Variants in CDK5RAP1 observed in about 807,000 individuals in gnomAD.
CDK5RAP1 encodes mitochondrial tRNA methylthiotransferase CDK5RAP1.
A neutral mutation model predicts 64.5 loss-of-function variants in CDK5RAP1; 62 were observed. That is an observed-to-expected ratio of 0.96 (90% confidence interval 0.78 to 1.19). CDK5RAP1 has a LOEUF of 1.19. Ranked by LOEUF, CDK5RAP1 falls within the 50% of genes most tolerant of loss-of-function variation. The pLI is 0.00. For missense variants in CDK5RAP1, 657 were observed against 735.0 expected (o/e 0.89, Z 1.23); for synonymous variants, 250 against 261.9 (o/e 0.95, Z 0.44).
At chr20:33,390,615 T>C (rs1411555602) in intron 5 of CDK5RAP1, among the ~76,000 whole-genome samples, 2 of 152,194 alleles carry the variant, frequency 1.3e-5, no homozygotes, top group Non-Finnish European at 2.9e-5. Flanking sequence ...ATTAAAATGG[T>C]AATTTCATAT....
chr20:33,364,820 C>T (rs935522490), intron 12 of CDK5RAP1, among the ~76,000 whole-genome samples: 1 of 151,684 alleles, frequency 6.6e-6, no homozygotes, highest in African/African-American at 2.4e-5. Flanking sequence ...GTGATCCACC[C>T]GCCTCGGCCT....
intron 12 of CDK5RAP1, among the ~76,000 whole-genome samples, chr20:33,366,446 T>TA (rs36066304): frequency 0.42 from 63,527 of 149,890 alleles, 14,305 homozygotes; most frequent in Non-Finnish European, 0.51. Context: ...CCGTCTCTAC[T>TA]AAAAAAAATA....
rs62211387 is a variant in CDK5RAP1, at chr20:33,384,562, C to A, written c.876+1088G>T. 4.9e-3 allele frequency among the ~76,000 whole-genome samples: 743 copies of A among 152,218 alleles called. 4 individuals carry two copies. The highest frequency in any genetic ancestry group is 8.6e-3 in the Non-Finnish European group (585 of 68,004). On this transcript the variant is annotated intron_variant, in intron 7 of 13. Coordinates refer to ENST00000346416, the MANE Select transcript of CDK5RAP1 (RefSeq NM_016408.4). ...TATCTGGGGGTAGGGCAAGAGAAGACAGCACTGCCAGAATGTGAGGATGAT... is the reference window on the plus strand; with the variant it reads ...TATCTGGGGGTAGGGCAAGAGAAGAAAGCACTGCCAGAATGTGAGGATGAT...
At chr20:33,375,471 C>T (rs1985846253) in intron 8 of CDK5RAP1, among the ~76,000 whole-genome samples, 1 of 151,628 alleles carries the variant, frequency 6.6e-6, no homozygotes, top group African/African-American at 2.4e-5. Flanking sequence ...CTCTCTCCTC[C>T]ATTGCAAGAA....
intron 5 of CDK5RAP1, among the ~76,000 whole-genome samples, chr20:33,388,116 T>G (rs1303326950): frequency 6.6e-6 from 1 of 151,534 alleles, no homozygotes; most frequent in Non-Finnish European, 1.5e-5. Flanking sequence ...TTTCAAGACA[T>G]GAACCATGTC....
At chr20:33,375,401 C>CAAAAAAAAAAA (rs200212971) in intron 8 of CDK5RAP1, among the ~76,000 whole-genome samples, 2 of 57,458 alleles carry the variant, frequency 3.5e-5, no homozygotes, top group Admixed American at 1.9e-4. Flanking sequence ...GACTCCATCT[C>CAAAAAAAAAAA]AAAAAAAAAA....
At chr20:33,392,381 A>T (rs537992585) in intron 4 of CDK5RAP1, 139 bp from the exon 5 acceptor site, 2 of 437,624 alleles carry the variant, frequency 4.6e-6, no homozygotes, top group African/African-American at 4.0e-5. Flanking sequence ...CACGGGCCAC[A>T]TGCAGCCAGG....
Position 33,385,711 on chromosome 20 carries a change from C to T in CDK5RAP1, c.815G>A (p.Gly272Asp), listed in dbSNP as rs959021667. Residue 272 changes from glycine (G) to aspartate (D), a missense_variant, in exon 7 of 14, where the codon GGC becomes GAC. Coordinates refer to ENST00000346416, the MANE Select transcript of CDK5RAP1 (RefSeq NM_016408.4). The part of the protein sequence containing the change: ...CSYCIVPFTR[G>D]RERSRPIASI... ...GGCAATAGGCCGACTCCTCTCCCTG[C>T]CCCGGGTGAAAGGAACAATGCAGTA... 8.7e-6 allele frequency: 14 copies of T among 1,613,932 alleles called. No homozygotes were observed. The highest frequency in any genetic ancestry group is 1.1e-5 in the Non-Finnish European group (13 of 1,179,808).
At chr20:33,378,710 C>T (rs2146646714) in intron 8 of CDK5RAP1, among the ~76,000 whole-genome samples, 1 of 152,268 alleles carries the variant, frequency 6.6e-6, no homozygotes, top group African/African-American at 2.4e-5. Flanking sequence ...ACATCACATG[C>T]TCGCTGGTAA....
At chr20:33,380,151 T>C (rs1308012475) in intron 7 of CDK5RAP1, among the ~76,000 whole-genome samples, 7 of 152,248 alleles carry the variant, frequency 4.6e-5, no homozygotes, top group Non-Finnish European at 1.0e-4. Flanking sequence ...AGGAGACTCA[T>C]GTCTGATCTC....
chr20:33,390,207 G>C (rs1020015818), intron 5 of CDK5RAP1, among the ~76,000 whole-genome samples: 10 of 151,390 alleles, frequency 6.6e-5, no homozygotes, highest in African/African-American at 2.4e-4. Flanking sequence ...CTGGGAGGTT[G>C]AGGCTGCAGT....
At chr20:33,379,034 C>T (rs1986401466) in intron 8 of CDK5RAP1, among the ~76,000 whole-genome samples, 1 of 152,114 alleles carries the variant, frequency 6.6e-6, no homozygotes, top group Admixed American at 6.6e-5. Context: ...ACTGCAGCCT[C>T]GACTTCCTGG....
chr20:33,400,835 C>G (rs1989341745), intron 1 of CDK5RAP1, among the ~76,000 whole-genome samples: 1 of 152,086 alleles, frequency 6.6e-6, no homozygotes, highest in South Asian at 2.1e-4. Flanking sequence ...AAAGTATGGA[C>G]CCTGGAGTCA....
chr20:33,393,537 T>C (rs541236019), intron 4 of CDK5RAP1, among the ~76,000 whole-genome samples: 14 of 152,164 alleles, frequency 9.2e-5, no homozygotes, highest in African/African-American at 2.6e-4. Flanking sequence ...GATGAATTAA[T>C]TGACAGTATA....
rs753792842 is a variant in CDK5RAP1 at position 33,366,992 on chromosome 20, T to C, written c.1409A>G (p.His470Arg). ...TTCCGGGACATCATCCTTCAGCCTA[T>C]GATATGCCCGTGTCTTCTATTAAAA... is the stretch of plus-strand genomic sequence containing the variant. ...YSMRQKTRAY[H>R]RLKDDVPEEV... Residue 470 changes from histidine to arginine, a missense_variant, in exon 12 of 14, where the codon CAT becomes CGT. Coordinates refer to ENST00000346416, the MANE Select transcript of CDK5RAP1 (RefSeq NM_016408.4). The C allele has an allele frequency of 1.2e-6, 2 of 1,611,210 alleles. No individual in the cohort carries two copies. Among genetic ancestry groups the C allele is most frequent in the Admixed American group, 3.4e-5 (2 of 59,488 alleles).
intron 12 of CDK5RAP1, among the ~76,000 whole-genome samples, chr20:33,361,975 A>AAG (rs1983019683): frequency 6.9e-6 from 1 of 144,112 alleles, no homozygotes; most frequent in Non-Finnish European, 1.5e-5. Flanking sequence ...AAAAAAAAAA[A>AAG]GGAAGGAAGG....
chr20:33,359,407 A>G (rs1982489771), intron 13 of CDK5RAP1: 2 of 348,604 alleles, frequency 5.7e-6, no homozygotes, highest in Admixed American at 8.7e-5. Context: ...TTCAGGTGAA[A>G]CTGCCCATCA....
chr20:33,387,593 T>C, intron 5 of CDK5RAP1, 60 bp from the exon 6 acceptor site: 7 of 1,337,136 alleles, frequency 5.2e-6, no homozygotes, highest in Non-Finnish European at 7.5e-6. Flanking sequence ...TAATGGCTTC[T>C]TCTTATTCCA....
intron 6 of CDK5RAP1, among the ~76,000 whole-genome samples, chr20:33,386,220 C>T (rs761777281): frequency 2.0e-5 from 3 of 152,152 alleles, no homozygotes; most frequent in South Asian, 2.1e-4. Context: ...CCTGCCACCA[C>T]GCCCGGCTAA....
Sources: allele counts gnomAD v4.1 joint callset (sites outside exome capture counted in the v4.1 genomes callset), GRCh38; gene constraint gnomAD v4.1.1; transcripts MANE v1.5; gene names NCBI Gene and HGNC (gene_info 2026-07-23, HGNC 2026-07-21).